ARMC9: variants seen among roughly 807,000 people sequenced by gnomAD.
ARMC9 encodes the protein lisH domain-containing protein ARMC9.
A neutral mutation model predicts 107.0 loss-of-function variants in ARMC9; 94 were observed. That is an observed-to-expected ratio of 0.88 (90% CI 0.74 to 1.04). The LOEUF (loss-of-function observed/expected upper bound fraction) is 1.04. Among genes scored for constraint, ARMC9 ranks in the 50% least tolerant of loss-of-function variants. The pLI is 0.00. For synonymous variants in ARMC9, 380 were observed against 396.9 expected (o/e 0.96, Z 0.51); for missense variants, 942 against 1,030.1 (o/e 0.91, Z 1.17).
chr2:231,291,916 C>A (rs958682710), intron 18 of ARMC9, among the ~76,000 whole-genome samples: 1 of 151,766 alleles, frequency 6.6e-6, no homozygotes, highest in Non-Finnish European at 1.5e-5. Flanking sequence ...CACCTGTAAT[C>A]CCAGCACTTT....
intron 13 of ARMC9, among the ~76,000 whole-genome samples, chr2:231,271,332 T>C (rs1012973536): frequency 7.9e-5 from 12 of 152,234 alleles, no homozygotes; most frequent in Non-Finnish European, 1.6e-4. Context: ...TTTTGTAACA[T>C]AGTAACATTT....
chr2:231,369,653 A>G (rs1283648593), intron 23 of ARMC9, among the ~76,000 whole-genome samples: 2 of 150,700 alleles, frequency 1.3e-5, no homozygotes, highest in Non-Finnish European at 3.0e-5. Flanking sequence ...CTGGAGTGCA[A>G]CAGTGCCGTC....
rs184584665 is a variant in ARMC9, at chr2:231,200,956, G to A, written c.-42+2258G>A. The stretch of plus-strand genomic sequence containing the variant: ...GAATCATGAGTCATGTTTGCCTGGG[G>A]GGGCAGAGCATACATCAACCACAGG... On this transcript the variant is annotated intron_variant, in intron 1 of 24. Coordinates refer to ENST00000611582, the MANE Select transcript of ARMC9 (RefSeq NM_001352754.2). Among the ~76,000 whole-genome samples the A allele has an allele frequency of 9.2e-5, 14 of 152,274 alleles. No homozygotes were observed. The East Asian group carries it at 2.3e-3, about 25-fold the overall frequency.
intron 9 of ARMC9, among the ~76,000 whole-genome samples, chr2:231,254,251 C>G (rs1485974976): frequency 6.6e-6 from 1 of 152,060 alleles, no homozygotes; most frequent in Non-Finnish European, 1.5e-5. Context: ...GACTGAAATC[C>G]ATGAAAACAA....
intron 8 of ARMC9, among the ~76,000 whole-genome samples, chr2:231,237,758 T>C (rs2035863786): frequency 2.6e-5 from 1 of 37,928 alleles, no homozygotes; most frequent in African/African-American, 9.8e-5. Flanking sequence ...TATATGTATA[T>C]ATATATATAT....
intron 12 of ARMC9, 197 bp from the exon 13 acceptor site, chr2:231,270,785 A>T: frequency 1.4e-6 from 1 of 692,088 alleles, no homozygotes; most frequent in Admixed American, 2.1e-5. Context: ...TGGAAGTCTG[A>T]CTAACTTATT....
chr2:231,242,610 A>G (rs1311625809), intron 9 of ARMC9, among the ~76,000 whole-genome samples: 3 of 152,088 alleles, frequency 2.0e-5, no homozygotes, highest in Non-Finnish European at 2.9e-5. Flanking sequence ...GAGTGTGCTT[A>G]CCAAAACTGT....
At chr2:231,335,699 T>C (rs947862999) in intron 20 of ARMC9, among the ~76,000 whole-genome samples, 2 of 152,204 alleles carry the variant, frequency 1.3e-5, no homozygotes, top group Non-Finnish European at 2.9e-5. Flanking sequence ...ACGTCAGAGT[T>C]CAAGACTGCT....
chr2:231,369,990 C>G lies in ARMC9; in HGVS notation c.2299C>G (p.Pro767Ala). ...AGCCTTCACCTGCAAGCCCCGGGCC[C>G]CCTGCACTCCAGAGATGCTGGACTG... is the stretch of plus-strand genomic sequence containing the variant. ...ASAFTCKPRA[P>A]CTPEMLDWNP... Residue 767 changes from proline to alanine, a missense_variant, in exon 24 of 25, where the codon CCC becomes GCC. Physicochemically the swap from Pro to Ala is conservative, Grantham distance 27. Coordinates refer to ENST00000611582, the MANE Select transcript of ARMC9 (RefSeq NM_001352754.2). 1 of 1,532,108 alleles carries G rather than the reference C, an allele frequency of 6.5e-7. No homozygotes were observed. The highest frequency in any genetic ancestry group is 8.7e-7 in the Non-Finnish European group (1 of 1,144,402). 94.9% of individuals were successfully genotyped at this position (1,532,108 alleles called of 1,614,324 possible).
At chr2:231,240,299 T>C (rs2036178116) in intron 9 of ARMC9, 1 of 515,310 alleles carries the variant, frequency 1.9e-6, no homozygotes. Flanking sequence ...TTCCCAGGGT[T>C]GGGGATCAGT....
chr2:231,216,619 G>C lies in ARMC9; in HGVS notation c.349-19G>C, dbSNP rs776964267. The C allele has an allele frequency of 6.2e-7, 1 of 1,610,854 alleles. No individual in the cohort carries two copies. The highest frequency in any genetic ancestry group is 1.1e-5 in the South Asian group (1 of 90,558). The stretch of plus-strand genomic sequence containing the variant: ...GCATTGATCTGGAGACCTCAAACAA[G>C]TGTTTTCCCTTCTTCTAGGACAAAG... On this transcript the variant is annotated intron_variant, in intron 4 of 24. Coordinates refer to ENST00000611582, the MANE Select transcript of ARMC9 (RefSeq NM_001352754.2).
In ARMC9 at chr2:231,226,784, G is replaced by A. The variant is rs1189850703; in HGVS notation, c.608G>A (p.Gly203Glu). Residue 203 changes from glycine (G) to glutamate (E), a missense_variant, in exon 7 of 25, where the codon GGA (glycine) becomes GAA (glutamate). Transcript: ENST00000611582. ...TCTTTTTCATCCCAGAAGGAGAATG[G>A]ACAAAGTAACAAAGGTAAATCATCT... is the stretch of plus-strand genomic sequence containing the variant. ...PKLLTIYKENGQSNKEILQQL... is the reference protein window; with the variant it reads ...PKLLTIYKENEQSNKEILQQL... 6.2e-7 allele frequency: 1 copy of A among 1,613,774 alleles called. No individual in the cohort carries two copies. The highest frequency in any genetic ancestry group is 8.5e-7 in the Non-Finnish European group (1 of 1,179,756).
At chr2:231,295,284 T>C (rs1013410325) in intron 18 of ARMC9, 3 of 152,218 alleles carry the variant, frequency 2.0e-5, no homozygotes, top group Admixed American at 6.5e-5. Flanking sequence ...TTCAGTGCAG[T>C]GGGTGAGAGA....
At chr2:231,224,813 T>C (rs1005368974) in intron 6 of ARMC9, among the ~76,000 whole-genome samples, 1 of 152,146 alleles carries the variant, frequency 6.6e-6, no homozygotes, top group Non-Finnish European at 1.5e-5. Context: ...AACTGGAGCT[T>C]TGAACAATAA....
chr2:231,290,121 T>C (rs931320295), intron 17 of ARMC9, among the ~76,000 whole-genome samples: 8 of 152,228 alleles, frequency 5.3e-5, no homozygotes, highest in Non-Finnish European at 8.8e-5. Context: ...TTATACACTT[T>C]GTCTTTTAAA....
chr2:231,291,305 C>T, intron 17 of ARMC9, 48 bp from the exon 18 acceptor site: 2 of 1,482,186 alleles, frequency 1.3e-6, no homozygotes, highest in Middle Eastern at 1.7e-4. Context: ...AAAGTAGTTT[C>T]CCTCCAGACA....
At chr2:231,262,228 C>T in intron 11 of ARMC9, 78 bp from the exon 12 acceptor site, 26 of 1,369,546 alleles carry the variant, frequency 1.9e-5, no homozygotes, top group Non-Finnish European at 2.6e-5. Context: ...ATACTGCCAT[C>T]TAAAACACAC....
intron 19 of ARMC9, among the ~76,000 whole-genome samples, chr2:231,323,363 AG>A (rs1220504155): frequency 6.6e-6 from 1 of 152,208 alleles, no homozygotes; most frequent in Non-Finnish European, 1.5e-5. Context: ...TGATTGAGAA[AG>A]TGGAGCAAGC....
chr2:231,273,669 C>T (rs189012041), intron 14 of ARMC9, among the ~76,000 whole-genome samples: 2 of 152,276 alleles, frequency 1.3e-5, no homozygotes, highest in East Asian at 3.9e-4. Flanking sequence ...CCCACCTCAG[C>T]CCCCCAAAGT....
Sources: allele counts gnomAD v4.1 joint callset (sites outside exome capture counted in the v4.1 genomes callset), GRCh38; gene constraint gnomAD v4.1.1; transcripts MANE v1.5; gene names NCBI Gene and HGNC (gene_info 2026-07-23, HGNC 2026-07-21).